TMEM178B: variants seen among roughly 807,000 people sequenced by gnomAD.
TMEM178B encodes the protein transmembrane protein 178B.
In TMEM178B, 5 loss-of-function variants were observed where a neutral mutation model predicts 31.0. The ratio of observed to expected loss-of-function variants is 0.16; its 90% confidence interval spans 0.08 to 0.34. TMEM178B has a LOEUF of 0.34. TMEM178B is among the 10% of genes least tolerant of loss of function. The pLI is 1.00. For missense variants in TMEM178B, 275 were observed against 400.3 expected, an observed-to-expected ratio of 0.69 and a Z score of 2.67; for synonymous variants, 164 against 164.0, an observed-to-expected ratio of 1.00 and a Z score of 0.00.
chr7:141,229,011 ATC>A (rs1797391164), intron 2 of TMEM178B, among the ~76,000 whole-genome samples: 2 of 85,504 alleles, frequency 2.3e-5, no homozygotes, highest in Admixed American at 1.6e-4. Context: ...AGTCAGTACT[ATC>A]TTTTTTTTTT....
chr7:141,423,487 C>G (rs1801253610), intron 2 of TMEM178B, among the ~76,000 whole-genome samples: 1 of 152,216 alleles, frequency 6.6e-6, no homozygotes, highest in Non-Finnish European at 1.5e-5. Context: ...TTCAAGTGCT[C>G]TACACCCACA....
intron 1 of TMEM178B, among the ~76,000 whole-genome samples, chr7:141,173,464 G>A (rs1177168851): frequency 6.6e-6 from 1 of 152,218 alleles, no homozygotes; most frequent in Non-Finnish European, 1.5e-5. Context: ...AGGCTTCACT[G>A]AGGCGGGAGT....
intron 3 of TMEM178B, among the ~76,000 whole-genome samples, chr7:141,454,488 A>G (rs1330090550): frequency 1.3e-5 from 2 of 151,938 alleles, no homozygotes; most frequent in African/African-American, 4.8e-5. Flanking sequence ...AGGGCCCAAG[A>G]CCCAGGCCAG....
At chr7:141,125,386 A>G (rs576362671) in intron 1 of TMEM178B, among the ~76,000 whole-genome samples, 2 of 152,272 alleles carry the variant, frequency 1.3e-5, no homozygotes, top group South Asian at 2.1e-4. Flanking sequence ...CTGCTTGTTA[A>G]GAAGTGAAGC....
chr7:141,278,279 C>T (rs1798298760), intron 2 of TMEM178B, among the ~76,000 whole-genome samples: 1 of 152,186 alleles, frequency 6.6e-6, no homozygotes, highest in African/African-American at 2.4e-5. Flanking sequence ...TGTGCATGGG[C>T]ATGACATCAA....
intron 1 of TMEM178B, among the ~76,000 whole-genome samples, chr7:141,204,721 G>A (rs1315537029): frequency 6.6e-6 from 1 of 152,228 alleles, no homozygotes; most frequent in East Asian, 1.9e-4. Flanking sequence ...TAGATCATTT[G>A]ATCAAATAGC....
At chr7:141,288,726 G>A (rs1221123792) in intron 2 of TMEM178B, among the ~76,000 whole-genome samples, 3 of 152,170 alleles carry the variant, frequency 2.0e-5, no homozygotes, top group Non-Finnish European at 4.4e-5. Flanking sequence ...CCGAAGAGCC[G>A]TTCCCACACA....
At chr7:141,260,784 C>CA (rs1798001147) in intron 2 of TMEM178B, among the ~76,000 whole-genome samples, 1 of 152,060 alleles carries the variant, frequency 6.6e-6, no homozygotes, top group African/African-American at 2.4e-5. Flanking sequence ...ACAAAATTCA[C>CA]AAAAAATATT....
chr7:141,290,473 C>T (rs1255557736), intron 2 of TMEM178B, among the ~76,000 whole-genome samples: 1 of 152,206 alleles, frequency 6.6e-6, no homozygotes, highest in East Asian at 1.9e-4. Flanking sequence ...ACATTTACAT[C>T]CTAATTCTCC....
At chr7:141,110,716 T>A (rs553839444) in intron 1 of TMEM178B, among the ~76,000 whole-genome samples, 1 of 152,316 alleles carries the variant, frequency 6.6e-6, no homozygotes, top group East Asian at 1.9e-4. Context: ...ATAGACTGAA[T>A]GTATGTGTCC....
chr7:141,320,663 A>G (rs1454534058), intron 2 of TMEM178B, among the ~76,000 whole-genome samples: 2 of 152,004 alleles, frequency 1.3e-5, no homozygotes, highest in Non-Finnish European at 1.5e-5. Context: ...ATATTCATTC[A>G]CTCAGCACAT....
chr7:141,446,405 G>A (rs1801755779), intron 3 of TMEM178B, among the ~76,000 whole-genome samples: 1 of 152,240 alleles, frequency 6.6e-6, no homozygotes, highest in African/African-American at 2.4e-5. Context: ...GCCAGAGCAG[G>A]AGGAGTCTTT....
chr7:141,431,519 C>T (rs969668935), intron 2 of TMEM178B, among the ~76,000 whole-genome samples: 4 of 152,152 alleles, frequency 2.6e-5, no homozygotes, highest in East Asian at 3.9e-4. Context: ...AAAGCATAAA[C>T]GCACCTTTCT....
At chr7:141,493,332 T>C in the TMEM178B span, among the ~76,000 whole-genome samples, 1 of 152,230 alleles carries the variant, frequency 6.6e-6, no homozygotes, top group Non-Finnish European at 1.5e-5. Flanking sequence ...GCACTTGTGT[T>C]CTGACGAAGG....
chr7:141,328,532 G>A (rs1272528920), intron 2 of TMEM178B, among the ~76,000 whole-genome samples: 2 of 152,174 alleles, frequency 1.3e-5, no homozygotes, highest in South Asian at 2.1e-4. Context: ...AGGGTCTCTG[G>A]GTCTAACCCA....
At chr7:141,297,147 C>T (rs1798648285) in intron 2 of TMEM178B, 1 of 152,188 alleles carries the variant, frequency 6.6e-6, no homozygotes, top group Non-Finnish European at 1.5e-5. Context: ...TTCCTTAAAA[C>T]AACTCTAAGG....
chr7:141,195,306 C>T (rs1437862771), intron 1 of TMEM178B, among the ~76,000 whole-genome samples: 2 of 152,194 alleles, frequency 1.3e-5, no homozygotes, highest in African/African-American at 4.8e-5. Context: ...TTAGCAGTAC[C>T]CAAGTCACCT....
intron 1 of TMEM178B, among the ~76,000 whole-genome samples, chr7:141,076,421 TCTTA>T (rs1193997707): frequency 6.6e-6 from 1 of 152,224 alleles, no homozygotes; most frequent in Non-Finnish European, 1.5e-5. Flanking sequence ...TGAAGGATAT[TCTTA>T]CTTTTCCTTC....
At position 141,112,270 on chromosome 7, in the gene TMEM178B, T is replaced by A. The variant is rs1258234310; in HGVS notation, c.382+37578T>A. ...TAAGTTTTTATTTTTTAACCTTTTT[T>A]AAAGGCAGAGTCTTGCTCTGTCATC... On this transcript the variant is annotated intron_variant, in intron 1 of 3. Coordinates refer to ENST00000565468, the MANE Select transcript of TMEM178B (RefSeq NM_001195278.2). 3.3e-5 allele frequency among the ~76,000 whole-genome samples: 5 copies of A among 152,220 alleles called. No homozygotes were observed. In the East Asian group the frequency reaches 9.6e-4, roughly 29 times the overall value.
Sources: allele counts gnomAD v4.1 joint callset (sites outside exome capture counted in the v4.1 genomes callset), GRCh38; gene constraint gnomAD v4.1.1; transcripts MANE v1.5; gene names NCBI Gene and HGNC (gene_info 2026-07-23, HGNC 2026-07-21).